Variants in MYO1E observed in about 807,000 individuals in gnomAD.
The protein encoded by MYO1E is unconventional myosin-Ie.
A neutral mutation model predicts 151.1 loss-of-function variants in MYO1E; 68 were observed. That is an observed-to-expected ratio of 0.45 (90% confidence interval 0.37 to 0.55). The LOEUF is 0.55. MYO1E is among the 20% of genes least tolerant of loss of function. MYO1E has a pLI of 0.00. For missense variants in MYO1E, 1,363 were observed against 1,389.3 expected, an observed-to-expected ratio of 0.98 and a Z score of 0.30; for synonymous variants, 601 against 501.7, an observed-to-expected ratio of 1.20 and a Z score of -2.64.
At chr15:59,330,571 T>C (rs2080692140) in intron 1 of MYO1E, among the ~76,000 whole-genome samples, 1 of 152,166 alleles carries the variant, frequency 6.6e-6, no homozygotes, top group South Asian at 2.1e-4. Flanking sequence ...TAATAGTCTT[T>C]TGTAGGTAAA....
chr15:59,192,555 A>T (rs1448055231), intron 17 of MYO1E, among the ~76,000 whole-genome samples: 1 of 152,188 alleles, frequency 6.6e-6, no homozygotes, highest in Non-Finnish European at 1.5e-5. Context: ...GACAATGCCC[A>T]GTTGTTCCCT....
intron 1 of MYO1E, among the ~76,000 whole-genome samples, chr15:59,304,887 C>G (rs2080505534): frequency 6.6e-6 from 1 of 152,244 alleles, no homozygotes; most frequent in East Asian, 1.9e-4. Context: ...CTACAGGAAA[C>G]TTTTTTGTGT....
At position 59,249,382 on chromosome 15, in the gene MYO1E, G is replaced by A. The variant is rs148268759; in HGVS notation, c.332+6902C>T. Among the ~76,000 whole-genome samples the A allele has an allele frequency of 5.8e-4, 84 of 145,984 alleles. 1 individual carries two copies. In the East Asian group the frequency reaches 0.016, roughly 27 times the overall value. ...AGAGGTTGCAGTGAGCTGAGATCAC[G>A]CCATTGCACTCCAGCCTGGTGACAG... On this transcript the variant is annotated intron_variant, in intron 4 of 27. Transcript: ENST00000288235.
At chr15:59,313,908 G>A (rs1336152559) in intron 1 of MYO1E, among the ~76,000 whole-genome samples, 3 of 152,180 alleles carry the variant, frequency 2.0e-5, no homozygotes, top group African/African-American at 7.2e-5. Context: ...CTGTGCATTC[G>A]AAACCTGAGA....
intron 17 of MYO1E, among the ~76,000 whole-genome samples, chr15:59,194,381 T>TG (rs2079753110): frequency 6.6e-6 from 1 of 152,190 alleles, no homozygotes; most frequent in Non-Finnish European, 1.5e-5. Flanking sequence ...TTTCTTACTA[T>TG]GGATCTGTTT....
chr15:59,138,348 T>G lies in MYO1E; in HGVS notation c.3100A>C (p.Ser1034Arg). Residue 1034 changes from serine to arginine, a missense_variant, in exon 27 of 28, where the codon AGT becomes CGT. Transcript: ENST00000288235. ...CTGCCCCCTGCTGGGGGAGGCCGAC[T>G]GGTTGTTTGTCTCCTGACCCTGTGG... ...GAAGVRRQTT[S>R]RPPPAGGRPK... is the part of the protein sequence containing the mutation. 4 of 1,614,118 alleles carry G rather than the reference T, an allele frequency of 2.5e-6. No homozygotes were observed. In the South Asian group the frequency reaches 4.4e-5, roughly 18 times the overall value.
intron 1 of MYO1E, among the ~76,000 whole-genome samples, chr15:59,354,792 T>A (rs12911676): frequency 6.6e-6 from 1 of 152,038 alleles, no homozygotes; most frequent in South Asian, 2.1e-4. Context: ...AGCCTCTCAA[T>A]TGAAGGGGCG....
chr15:59,298,899 A>G (rs2080466802), intron 1 of MYO1E, among the ~76,000 whole-genome samples: 1 of 152,216 alleles, frequency 6.6e-6, no homozygotes, highest in Non-Finnish European at 1.5e-5. Context: ...GATAACCATT[A>G]AACATTTTCT....
Position 59,138,336 on chromosome 15 carries a change from G to C in MYO1E, c.3112C>G (p.Pro1038Ala), listed in dbSNP as rs747160675. 4 of 1,614,164 alleles carry C rather than the reference G, an allele frequency of 2.5e-6. No individual in the cohort carries two copies. The South Asian group carries it at 3.3e-5, about 13-fold the overall frequency. Residue 1038 changes from proline to alanine, a missense_variant, in exon 27 of 28, where the codon CCA becomes GCA. Transcript: ENST00000288235. Reference protein sequence around the residue: ...VRRQTTSRPPPAGGRPKPQPK... With the variant: ...VRRQTTSRPPAAGGRPKPQPK... ...TGGGGCTTGGGTCTGCCCCCTGCTG[G>C]GGGAGGCCGACTGGTTGTTTGTCTC...
rs552629883 is a variant in MYO1E, at chr15:59,199,103, C to T, written c.1698+3223G>A. ...CAGATTTTGGAATATTGGCATTATA[C>T]TTTATTTTTTGAGATGGAGTCTCGC... On this transcript the variant is annotated intron_variant, in intron 16 of 27. Transcript: ENST00000288235. 7.6e-4 allele frequency among the ~76,000 whole-genome samples: 115 copies of T among 152,076 alleles called. No homozygotes were observed. The Middle Eastern group carries it at 0.01, about 14-fold the overall frequency.
At chr15:59,207,057 C>A (rs751468665) in intron 14 of MYO1E, 1 of 1,614,206 alleles carries the variant, frequency 6.2e-7, no homozygotes, top group Non-Finnish European at 8.5e-7. Flanking sequence ...TCCCGCTCAA[C>A]GGCACCTGGC....
intron 1 of MYO1E, among the ~76,000 whole-genome samples, chr15:59,310,997 G>C (rs2080547814): frequency 6.6e-6 from 1 of 152,000 alleles, no homozygotes; most frequent in Non-Finnish European, 1.5e-5. Flanking sequence ...ATGTACTCAT[G>C]ATCATCTTCC....
intron 5 of MYO1E, among the ~76,000 whole-genome samples, chr15:59,233,751 AG>A: frequency 6.6e-6 from 1 of 150,966 alleles, no homozygotes. Context: ...GTACAATCAC[AG>A]GAATAGAGAA....
At chr15:59,308,786 C>T (rs978197499) in intron 1 of MYO1E, among the ~76,000 whole-genome samples, 2 of 149,078 alleles carry the variant, frequency 1.3e-5, no homozygotes, top group East Asian at 3.9e-4. Context: ...TCACAGTGAG[C>T]GGTAATTGTG....
chr15:59,316,363 C>A (rs1401514496), intron 1 of MYO1E, among the ~76,000 whole-genome samples: 2 of 152,104 alleles, frequency 1.3e-5, no homozygotes, highest in Non-Finnish European at 2.9e-5. Flanking sequence ...TTGCCGGCAC[C>A]CATTACAAAG....
At chr15:59,289,285 A>T (rs2080405649) in intron 1 of MYO1E, among the ~76,000 whole-genome samples, 1 of 152,230 alleles carries the variant, frequency 6.6e-6, no homozygotes, top group Non-Finnish European at 1.5e-5. Context: ...CCATAAAATA[A>T]TCAGCTGAAT....
chr15:59,229,873 TA>T (rs1483904177), intron 6 of MYO1E, among the ~76,000 whole-genome samples: 13 of 150,862 alleles, frequency 8.6e-5, no homozygotes, highest in African/African-American at 2.2e-4. Context: ...ATGTGCACAT[TA>T]AAAAAAAACA....
At chr15:59,149,027 G>A (rs1276980764) in intron 26 of MYO1E, among the ~76,000 whole-genome samples, 1 of 150,062 alleles carries the variant, frequency 6.7e-6, no homozygotes, top group Non-Finnish European at 1.5e-5. Flanking sequence ...GCAAAGGTGG[G>A]TGGATGAACT....
intron 18 of MYO1E, among the ~76,000 whole-genome samples, chr15:59,179,544 T>G (rs2079646104): frequency 1.3e-5 from 2 of 152,202 alleles, no homozygotes; most frequent in African/African-American, 4.8e-5. Context: ...AAGCTTTTGA[T>G]GTACGATCTC....
Sources: allele counts gnomAD v4.1 joint callset (sites outside exome capture counted in the v4.1 genomes callset), GRCh38; gene constraint gnomAD v4.1.1; transcripts MANE v1.5; gene names NCBI Gene and HGNC (gene_info 2026-07-23, HGNC 2026-07-21).